The following SPOCK3 variants were observed in gnomAD, a reference collection of about 807,000 sequenced individuals.
SPOCK3 encodes the protein testican-3.
Under a neutral mutation model 56.6 loss-of-function variants are expected in SPOCK3, and 30 were observed. The ratio of observed to expected loss-of-function variants is 0.53; its 90% CI spans 0.40 to 0.72. SPOCK3 has a LOEUF of 0.72. SPOCK3 is among the 30% of genes least tolerant of loss of function. The probability of loss-of-function intolerance (pLI) is 0.00; values close to 1 mark genes in which losing one functional copy is unlikely to be tolerated. For missense variants in SPOCK3, 527 were observed against 530.0 expected, an observed-to-expected ratio of 0.99 and a Z score of 0.06; for synonymous variants, 196 against 183.3, an observed-to-expected ratio of 1.07 and a Z score of -0.56.
chr4:166,940,411 A>G (rs1255124241), intron 4 of SPOCK3, among the ~76,000 whole-genome samples: 1 of 152,084 alleles, frequency 6.6e-6, no homozygotes, highest in Non-Finnish European at 1.5e-5. Flanking sequence ...CTGAGGCAGG[A>G]TAGGGAGTCA....
chr4:166,949,043 T>C (rs1364127285), intron 4 of SPOCK3, among the ~76,000 whole-genome samples: 1 of 152,170 alleles, frequency 6.6e-6, no homozygotes, highest in Non-Finnish European at 1.5e-5. Context: ...TGTTCGTTTC[T>C]TTTTATTCTT....
At chr4:167,092,056 G>A (rs559542779) in intron 2 of SPOCK3, among the ~76,000 whole-genome samples, 1 of 152,132 alleles carries the variant, frequency 6.6e-6, no homozygotes, top group Non-Finnish European at 1.5e-5. Context: ...GATCAATGCA[G>A]AAGGTGGGTG....
intron 4 of SPOCK3, among the ~76,000 whole-genome samples, chr4:166,936,217 T>G (rs1402777018): frequency 8.5e-5 from 13 of 152,148 alleles, no homozygotes. Flanking sequence ...TAGGCTTGAC[T>G]ATGCTAATTT....
chr4:167,172,144 C>T (rs935606734), intron 2 of SPOCK3, among the ~76,000 whole-genome samples: 1 of 152,160 alleles, frequency 6.6e-6, no homozygotes, highest in Non-Finnish European at 1.5e-5. Flanking sequence ...TCAAGACAGG[C>T]ACCAAGAGAC....
At chr4:166,828,081 C>T (rs1430714674) in intron 6 of SPOCK3, among the ~76,000 whole-genome samples, 2 of 151,926 alleles carry the variant, frequency 1.3e-5, no homozygotes, top group Non-Finnish European at 2.9e-5. Flanking sequence ...CCCCTTATTT[C>T]TTTTTTTATA....
chr4:166,945,674 G>A (rs1005615130), intron 4 of SPOCK3, among the ~76,000 whole-genome samples: 3 of 152,046 alleles, frequency 2.0e-5, no homozygotes, highest in South Asian at 2.1e-4. Flanking sequence ...TGCTTAGATG[G>A]CATCCCTAGT....
Position 166,818,826 on chromosome 4 carries a change from A to G in SPOCK3, c.590-26537T>C, listed in dbSNP as rs549757942. Among the ~76,000 whole-genome samples, 6 of 152,182 alleles carry G rather than the reference A, an allele frequency of 3.9e-5. No individual in the cohort carries two copies. The South Asian group carries it at 1.2e-3, about 32-fold the overall frequency. On this transcript the variant is annotated intron_variant, in intron 6 of 10. Transcript: ENST00000357545. ...AGACTCTTAAAATGCTTTTCAATCA[A>G]CAGGACTTAAAACAGAACCTTGCGA...
chr4:166,817,044 G>A (rs1037629), intron 6 of SPOCK3, among the ~76,000 whole-genome samples: 66,126 of 151,848 alleles, frequency 0.44, 17,780 homozygotes, highest in African/African-American at 0.74. Context: ...TTGGCAGAAG[G>A]CCCAGACTCA....
intron 4 of SPOCK3, among the ~76,000 whole-genome samples, chr4:166,965,177 A>T (rs542740119): frequency 6.6e-6 from 1 of 152,004 alleles, no homozygotes; most frequent in Non-Finnish European, 1.5e-5. Flanking sequence ...CCAAAAATTC[A>T]TGCAGACTAC....
At chr4:167,174,122 C>G (rs1730752033) in intron 2 of SPOCK3, among the ~76,000 whole-genome samples, 1 of 151,996 alleles carries the variant, frequency 6.6e-6, no homozygotes, top group Admixed American at 6.6e-5. Context: ...TATGCAAGAA[C>G]ACATGGAATA....
At chr4:166,906,492 A>C (rs1411869772) in intron 5 of SPOCK3, among the ~76,000 whole-genome samples, 1 of 151,392 alleles carries the variant, frequency 6.6e-6, no homozygotes, top group African/African-American at 2.4e-5. Context: ...TAAAAAAAAA[A>C]AAAAAAAAAC....
chr4:166,996,322 T>C (rs1404365336), intron 4 of SPOCK3, among the ~76,000 whole-genome samples: 2 of 152,180 alleles, frequency 1.3e-5, no homozygotes, highest in Non-Finnish European at 2.9e-5. Flanking sequence ...CATCGATTGG[T>C]GCCAGCAACA....
intron 2 of SPOCK3, among the ~76,000 whole-genome samples, chr4:167,084,369 A>G (rs764270965): frequency 5.9e-5 from 9 of 151,996 alleles, no homozygotes; most frequent in Non-Finnish European, 1.0e-4. Context: ...TCTCTGCAAT[A>G]TTTTCCTTTT....
At chr4:166,998,272 T>A (rs991810670) in intron 4 of SPOCK3, among the ~76,000 whole-genome samples, 3 of 152,090 alleles carry the variant, frequency 2.0e-5, no homozygotes, top group Admixed American at 2.0e-4. Context: ...ATTCACCCAC[T>A]AAAAGCATAT....
At chr4:166,851,973 AATG>A (rs1454411760) in intron 6 of SPOCK3, among the ~76,000 whole-genome samples, 6 of 151,902 alleles carry the variant, frequency 3.9e-5, no homozygotes, top group Admixed American at 1.3e-4. Context: ...AGCCATAAAA[AATG>A]ATGAGTTCAT....
At chr4:166,897,826 T>C (rs1167258480) in intron 5 of SPOCK3, among the ~76,000 whole-genome samples, 3 of 152,168 alleles carry the variant, frequency 2.0e-5, no homozygotes, top group African/African-American at 7.2e-5. Context: ...GAAGACCTAG[T>C]AGTGAATTAT....
At chr4:166,867,691 G>A (rs1005046414) in intron 6 of SPOCK3, among the ~76,000 whole-genome samples, 1 of 151,224 alleles carries the variant, frequency 6.6e-6, no homozygotes, top group Non-Finnish European at 1.5e-5. Flanking sequence ...CTCATATAAA[G>A]GTAATATAAA....
chr4:166,752,243 G>A (rs1042692668), intron 8 of SPOCK3, among the ~76,000 whole-genome samples: 3 of 151,840 alleles, frequency 2.0e-5, no homozygotes, highest in Non-Finnish European at 4.4e-5. Flanking sequence ...CACACTGCTC[G>A]GACTCCTGAG....
chr4:167,020,371 C>G (rs1751052630), intron 3 of SPOCK3, among the ~76,000 whole-genome samples: 1 of 152,074 alleles, frequency 6.6e-6, no homozygotes, highest in African/African-American at 2.4e-5. Flanking sequence ...CAAAGTTTCT[C>G]TATTGCTTAT....
Sources: allele counts gnomAD v4.1 joint callset (sites outside exome capture counted in the v4.1 genomes callset), GRCh38; gene constraint gnomAD v4.1.1; transcripts MANE v1.5; gene names NCBI Gene and HGNC (gene_info 2026-07-23, HGNC 2026-07-21).